RABEP1: variants seen among roughly 807,000 people sequenced by gnomAD.
RABEP1 encodes the protein rabaptin, RAB GTPase binding effector protein 1.
A neutral mutation model predicts 123.4 loss-of-function variants in RABEP1; 51 were observed. The ratio of observed to expected loss-of-function variants is 0.41; its 90% CI spans 0.33 to 0.52. The LOEUF (loss-of-function observed/expected upper bound fraction) is 0.52. Among genes scored for constraint, RABEP1 ranks in the 20% least tolerant of loss-of-function variants. The pLI, the probability that RABEP1 is intolerant of heterozygous loss-of-function variation, is 0.16. For synonymous variants in RABEP1, 347 were observed against 355.2 expected, an observed-to-expected ratio of 0.98 and a Z score of 0.26; for missense variants, 888 against 996.3, an observed-to-expected ratio of 0.89 and a Z score of 1.46.
chr17:5,326,280 T>C (rs1232361190), intron 2 of RABEP1, among the ~76,000 whole-genome samples: 1 of 152,230 alleles, frequency 6.6e-6, no homozygotes. Context: ...TACACTGGTA[T>C]ATTGAGACAG....
intron 1 of RABEP1, among the ~76,000 whole-genome samples, chr17:5,284,825 C>T (rs1169949085): frequency 3.3e-5 from 5 of 149,888 alleles, no homozygotes; most frequent in Admixed American, 2.0e-4. Flanking sequence ...GCTTTAGGCA[C>T]GTTTGAATTT....
rs1488243268 is a variant in RABEP1, at chr17:5,308,691, C to T, written c.35-3C>T. 2 of 1,599,294 alleles carry T rather than the reference C, an allele frequency of 1.3e-6. No individual in the cohort carries two copies. Among genetic ancestry groups the T allele is most frequent in the Non-Finnish European group, 1.7e-6 (2 of 1,175,236 alleles). ...CTTGTTAACTAGTGTTTTTTTCCCC[C>T]AGTTTCTCTTCAGCAACGGGTAGCA... On this transcript the variant is annotated splice_region_variant and splice_polypyrimidine_tract_variant and intron_variant, in intron 1 of 17. Transcript: ENST00000537505.
intron 1 of RABEP1, among the ~76,000 whole-genome samples, chr17:5,299,539 G>A (rs1326728368): frequency 6.6e-6 from 1 of 151,430 alleles, no homozygotes; most frequent in Non-Finnish European, 1.5e-5. Flanking sequence ...TAGGGCCACT[G>A]AAGTGTGTTT....
chr17:5,288,340 C>T (rs764986753), intron 1 of RABEP1, among the ~76,000 whole-genome samples: 7 of 151,932 alleles, frequency 4.6e-5, no homozygotes, highest in Non-Finnish European at 7.4e-5. Context: ...TAGAGGTGTA[C>T]GGGAACCCAC....
At chr17:5,344,464 A>G (rs1310173294) in intron 5 of RABEP1, among the ~76,000 whole-genome samples, 2 of 152,106 alleles carry the variant, frequency 1.3e-5, no homozygotes, top group East Asian at 3.9e-4. Flanking sequence ...CAAGTGACAG[A>G]TAATTCTGAA....
chr17:5,357,127 C>G (rs1909093739), intron 8 of RABEP1, among the ~76,000 whole-genome samples: 1 of 152,154 alleles, frequency 6.6e-6, no homozygotes, highest in African/African-American at 2.4e-5. Context: ...CCACCCACCT[C>G]AGCCTCCCAA....
At chr17:5,318,120 C>A (rs1400696112) in intron 2 of RABEP1, among the ~76,000 whole-genome samples, 3 of 152,140 alleles carry the variant, frequency 2.0e-5, no homozygotes, top group African/African-American at 7.2e-5. Context: ...AGCCCATTAA[C>A]AAATTAATCA....
intron 1 of RABEP1, among the ~76,000 whole-genome samples, chr17:5,289,830 T>C (rs1027280085): frequency 6.6e-6 from 1 of 152,188 alleles, no homozygotes; most frequent in African/African-American, 2.4e-5. Flanking sequence ...CTAGCAGAGA[T>C]ACTTAATCTG....
At chr17:5,286,273 A>T (rs1267561988) in intron 1 of RABEP1, among the ~76,000 whole-genome samples, 1 of 152,186 alleles carries the variant, frequency 6.6e-6, no homozygotes, top group Non-Finnish European at 1.5e-5. Context: ...AGGCAGATGG[A>T]TCACAAGGTC....
intron 6 of RABEP1, among the ~76,000 whole-genome samples, chr17:5,347,731 T>G (rs969052640): frequency 7.9e-5 from 12 of 152,176 alleles, no homozygotes; most frequent in African/African-American, 2.9e-4. Context: ...ACCCAAACTT[T>G]GAGTGAAGTT....
chr17:5,308,967 G>T, intron 2 of RABEP1, 145 bp downstream of exon 2: 1 of 879,684 alleles, frequency 1.1e-6, no homozygotes, highest in Non-Finnish European at 1.6e-6. Context: ...TAAAGGCTAG[G>T]TTAAGAATGG....
chr17:5,343,423 G>A (rs1446730409), intron 5 of RABEP1, among the ~76,000 whole-genome samples: 1 of 152,002 alleles, frequency 6.6e-6, no homozygotes, highest in Admixed American at 6.6e-5. Context: ...ATGTGGTGGT[G>A]CATACCTGTA....
intron 2 of RABEP1, among the ~76,000 whole-genome samples, chr17:5,327,347 C>CA (rs772982752): frequency 0.03 from 2,228 of 74,864 alleles, 22 homozygotes; most frequent in East Asian, 0.061. Context: ...GATTCTGTCT[C>CA]AAAAAAAAAA....
intron 1 of RABEP1, among the ~76,000 whole-genome samples, chr17:5,306,544 C>T (rs1242123495): frequency 6.6e-6 from 1 of 151,728 alleles, no homozygotes; most frequent in Non-Finnish European, 1.5e-5. Flanking sequence ...AGAAGAATTG[C>T]TTGAGTCCGG....
At chr17:5,325,671 A>C (rs1048759911) in intron 2 of RABEP1, among the ~76,000 whole-genome samples, 2 of 151,732 alleles carry the variant, frequency 1.3e-5, no homozygotes, top group African/African-American at 4.8e-5. Context: ...AAGAATTCGA[A>C]TGGTTCTAGC....
intron 5 of RABEP1, among the ~76,000 whole-genome samples, chr17:5,338,366 A>C (rs1397231193): frequency 1.4e-5 from 2 of 142,592 alleles, no homozygotes; most frequent in Admixed American, 1.4e-4. Flanking sequence ...GTTGGAGACC[A>C]GTCTGACCAA....
At position 5,318,227 on chromosome 17, in the gene RABEP1, G is replaced by T. The variant is rs1597349984; in HGVS notation, c.163+9405G>T. 2.6e-5 allele frequency among the ~76,000 whole-genome samples: 4 copies of T among 152,264 alleles called. No individual in the cohort carries two copies. The South Asian group carries it at 8.3e-4, about 32-fold the overall frequency. On this transcript the variant is annotated intron_variant, in intron 2 of 17. Coordinates refer to ENST00000537505, the MANE Select transcript of RABEP1 (RefSeq NM_004703.6). ...AAGCTTACAATTGATATCAGAAGTGGACTTCAGTCTTCTTAGACTGAATTT... is the reference window on the plus strand; with the variant it reads ...AAGCTTACAATTGATATCAGAAGTGTACTTCAGTCTTCTTAGACTGAATTT...
At chr17:5,359,370 A>G (rs1320556822) in intron 8 of RABEP1, among the ~76,000 whole-genome samples, 4 of 152,176 alleles carry the variant, frequency 2.6e-5, no homozygotes, top group South Asian at 4.2e-4. Flanking sequence ...CACTGCGCCC[A>G]GCCAGTCTGA....
intron 2 of RABEP1, among the ~76,000 whole-genome samples, chr17:5,311,628 G>A (rs746516277): frequency 5.4e-5 from 8 of 149,424 alleles, no homozygotes; most frequent in Non-Finnish European, 8.9e-5. Context: ...CCTGGGAGGC[G>A]GAGGTTGCAG....
Sources: allele counts gnomAD v4.1 joint callset (sites outside exome capture counted in the v4.1 genomes callset), GRCh38; gene constraint gnomAD v4.1.1; transcripts MANE v1.5; gene names NCBI Gene and HGNC (gene_info 2026-07-23, HGNC 2026-07-21).